The following MYO18A variants were observed in gnomAD, a reference collection of about 807,000 sequenced individuals.
MYO18A encodes unconventional myosin-XVIIIa.
In MYO18A, 78 loss-of-function variants were observed where a neutral mutation model predicts 235.8. The observed-to-expected ratio is 0.33, with a 90% CI of 0.28 to 0.40. MYO18A has a LOEUF of 0.40. MYO18A is among the 10% of genes least tolerant of loss of function. MYO18A has a pLI of 1.00. For missense variants in MYO18A, 2,215 were observed against 2,699.3 expected, an observed-to-expected ratio of 0.82 and a Z score of 3.98; for synonymous variants, 977 against 1,077.8, an observed-to-expected ratio of 0.91 and a Z score of 1.83.
Position 29,073,796 on chromosome 17 carries a change from A to C in MYO18A, c.*974T>G, listed in dbSNP as rs998211981. ...GGCTCAGGACACAGAGTGAGGACTC[A>C]TGTCTAATGAGCACCGGCCAAAACT... On this transcript the variant is annotated 3_prime_UTR_variant, in exon 42 of 42. Transcript: ENST00000527372. The C allele has an allele frequency of 2.0e-5, 30 of 1,510,508 alleles. No homozygotes were observed. Among genetic ancestry groups the C allele is most frequent in the Middle Eastern group, 1.8e-4 (1 of 5,692 alleles). The allele number at this position is 1,510,508 out of a possible 1,614,324, so 93.6% of individuals were successfully genotyped here.
At chr17:29,169,233 G>A (rs770943303) in intron 1 of MYO18A, among the ~76,000 whole-genome samples, 10 of 152,082 alleles carry the variant, frequency 6.6e-5, no homozygotes, top group Non-Finnish European at 1.3e-4. Flanking sequence ...TGTATTTTTA[G>A]TGGAGATGGG....
At chr17:29,148,971 GC>G (rs1464525419) in intron 2 of MYO18A, among the ~76,000 whole-genome samples, 2 of 152,224 alleles carry the variant, frequency 1.3e-5, no homozygotes, top group Non-Finnish European at 2.9e-5. Context: ...GTGGGGCCAA[GC>G]CCAGCACATG....
At chr17:29,098,014 G>C in intron 25 of MYO18A, 91 bp downstream of exon 25, 1 of 1,580,812 alleles carries the variant, frequency 6.3e-7, no homozygotes, top group Non-Finnish European at 8.6e-7. Flanking sequence ...TGGGCTAGGG[G>C]TGAAGATGCC....
intron 2 of MYO18A, chr17:29,128,208 G>A (rs2067372818): frequency 4.3e-6 from 5 of 1,154,208 alleles, no homozygotes; most frequent in Admixed American, 4.2e-5. Flanking sequence ...GGGGGAGGGG[G>A]TGGCGGCTTG....
Position 29,072,712 on chromosome 17 carries a change from G to A in MYO18A, c.*2058C>T, listed in dbSNP as rs1277773579. 1 of 152,192 alleles carries A rather than the reference G, an allele frequency of 6.6e-6. No homozygotes were observed. Among genetic ancestry groups the A allele is most frequent in the Non-Finnish European group, 1.5e-5 (1 of 68,064 alleles). The allele number at this position is 152,192 out of a possible 1,614,324, so 9.4% of individuals were successfully genotyped here. A position where few individuals can be genotyped will look rare whatever the true frequency, so the allele number is the denominator to read the frequency against. ...TTTCTGGATGGCTGACATTATCAGA[G>A]CCTCGGCACTTGGGCTGTTTGCTAT... On this transcript the variant is annotated 3_prime_UTR_variant, in exon 42 of 42. Transcript: ENST00000527372.
Position 29,118,226 on chromosome 17 carries a change from C to G in MYO18A, c.1894-37G>C. 1 of 1,584,478 alleles carries G rather than the reference C, an allele frequency of 6.3e-7. No individual in the cohort carries two copies. Among genetic ancestry groups the G allele is most frequent in the Non-Finnish European group, 8.6e-7 (1 of 1,163,408 alleles). On this transcript the variant is annotated intron_variant, in intron 9 of 41. Transcript: ENST00000527372. The surrounding 1 kb of genome is among the most constrained non-coding windows in gnomAD (Gnocchi z 4.2). The stretch of plus-strand genomic sequence containing the variant: ...GATGACCTCAAAGGGCTGTCCCTCC[C>G]AGCACACCCCCATGAGGCTGGGCCC...
At position 29,097,316 on chromosome 17, in the gene MYO18A, C is replaced by T. The variant is rs1264040463; in HGVS notation, c.4137G>A (p.Val1379=). Residue 1379 remains valine (V), a synonymous_variant, in exon 27 of 42, where the codon GTG becomes GTA. Transcript: ENST00000527372. Reference sequence around the variant, plus strand: ...GTTTCTTGGTGAAGTCCACCTCCCGCACAGCCCGCTCATACTTCAGCCGCC... The same window carrying T: ...GTTTCTTGGTGAAGTCCACCTCCCGTACAGCCCGCTCATACTTCAGCCGCC... ...GEWRLKYERA[V]REVDFTKKRL... The T allele has an allele frequency of 3.7e-6, 6 of 1,609,952 alleles. No homozygotes were observed. The Admixed American group carries it at 8.3e-5, about 22-fold the overall frequency.
intron 41 of MYO18A, chr17:29,075,503 G>A (rs2065953161): frequency 6.0e-6 from 1 of 167,242 alleles, no homozygotes; most frequent in South Asian, 2.1e-4. Flanking sequence ...AACAAGAAAT[G>A]GAGGCTCAGG....
chr17:29,091,684 T>C, intron 34 of MYO18A: 1 of 454,802 alleles, frequency 2.2e-6, no homozygotes, highest in South Asian at 1.6e-5. Context: ...CCCGTGAGAT[T>C]GGCATCTCTC....
chr17:29,160,741 T>A (rs2068153639), intron 2 of MYO18A, among the ~76,000 whole-genome samples: 1 of 152,146 alleles, frequency 6.6e-6, no homozygotes. Context: ...CATGGCAACC[T>A]CATGAGGAAC....
intron 14 of MYO18A, 61 bp downstream of exon 14, chr17:29,114,846 C>T: frequency 6.5e-7 from 1 of 1,528,852 alleles, no homozygotes; most frequent in Non-Finnish European, 8.9e-7. Context: ...CCACAGATGC[C>T]CTCGCTGTGG....
At position 29,111,628 on chromosome 17, in the gene MYO18A, C is replaced by T; in HGVS notation, c.2741-45G>A. The T allele has an allele frequency of 6.2e-7, 1 of 1,612,424 alleles. No individual in the cohort carries two copies. Among genetic ancestry groups the T allele is most frequent in the Admixed American group, 1.7e-5 (1 of 59,976 alleles). ...GATTTAGGTCGTCAGGGTACAGGCA[C>T]AAAGTGACCCCCGCCCCCTCCCAGG... On this transcript the variant is annotated intron_variant, in intron 16 of 41. Coordinates refer to ENST00000527372, the MANE Select transcript of MYO18A (RefSeq NM_078471.4). This position sits in a 1 kb window ranked among gnomAD's most constrained non-coding sequence, Gnocchi z 5.1.
rs576787999 is a variant in MYO18A at position 29,169,567 on chromosome 17, C to G, written c.-81-2546G>C. On this transcript the variant is annotated intron_variant, in intron 1 of 41. Transcript: ENST00000527372. ...GACTGTTGATGGGGTGTGGCACAGA[C>G]CTACCATAAACCAAGATGTGGGGTC... Among the ~76,000 whole-genome samples, 13 of 152,228 alleles carry G rather than the reference C, an allele frequency of 8.5e-5. No homozygotes were observed. The South Asian group carries it at 2.1e-3, about 24-fold the overall frequency.
intron 39 of MYO18A, 133 bp from the exon 40 acceptor site, chr17:29,085,781 A>G: frequency 4.7e-6 from 4 of 842,694 alleles, no homozygotes; most frequent in Non-Finnish European, 7.8e-6. Context: ...GGTTGAGACC[A>G]GGTAGTGGGA....
chr17:29,085,733 G>A, intron 39 of MYO18A, 85 bp from the exon 40 acceptor site: 6 of 1,375,978 alleles, frequency 4.4e-6, no homozygotes, highest in Non-Finnish European at 6.2e-6. Context: ...CCCCTTAGCT[G>A]AAGACCTCTC....
At chr17:29,132,510 G>A (rs570205725) in intron 2 of MYO18A, among the ~76,000 whole-genome samples, 5 of 152,258 alleles carry the variant, frequency 3.3e-5, no homozygotes, top group African/African-American at 1.2e-4. Context: ...GCACAATGTG[G>A]GTAGGAGCAT....
intron 2 of MYO18A, among the ~76,000 whole-genome samples, chr17:29,164,170 G>GT (rs1473145416): frequency 6.6e-6 from 1 of 152,182 alleles, no homozygotes; most frequent in South Asian, 2.1e-4. Context: ...GATTACAGGC[G>GT]TGAGCCACCA....
chr17:29,170,160 C>T (rs566185108), intron 1 of MYO18A, among the ~76,000 whole-genome samples: 1 of 152,214 alleles, frequency 6.6e-6, no homozygotes, highest in Admixed American at 6.5e-5. Context: ...CTCCTGTGGA[C>T]ACAGGTTAAG....
At position 29,178,988 on chromosome 17, in the gene MYO18A, C is replaced by T. The variant is rs9915599; in HGVS notation, c.-82+1325G>A. Reference sequence around the variant, plus strand: ...GATGAGGCCTTCTCGGCCACAGACACGCCAGGGGCTCCAAAAGACAAGACG... The same window carrying T: ...GATGAGGCCTTCTCGGCCACAGACATGCCAGGGGCTCCAAAAGACAAGACG... On this transcript the variant is annotated intron_variant, in intron 1 of 41. Transcript: ENST00000527372. Among the ~76,000 whole-genome samples the T allele has an allele frequency of 7.4e-3, 1,129 of 152,320 alleles. 12 individuals are homozygous for T. Among genetic ancestry groups the T allele is most frequent in the African/African-American group, 0.026 (1,085 of 41,562 alleles).
Sources: gnomAD v4.1 joint callset for allele counts (sites outside exome capture counted in the v4.1 genomes callset) on GRCh38, gnomAD v4.1.1 for gene constraint, Gnocchi (gnomAD v3.1) non-coding constraint, MANE v1.5 for transcripts, NCBI Gene and HGNC (gene_info 2026-07-23, HGNC 2026-07-21) for gene names.